ARHGEF10L: variants seen among roughly 807,000 people sequenced by gnomAD.
The protein encoded by ARHGEF10L is rho guanine nucleotide exchange factor 10-like protein.
ARHGEF10L carries 69 observed loss-of-function variants against 141.2 expected under a neutral mutation model. The ratio of observed to expected loss-of-function variants is 0.49; its 90% CI spans 0.40 to 0.60. The LOEUF (loss-of-function observed/expected upper bound fraction) is 0.60, where lower values mean the gene tolerates loss of function less well. Among genes scored for constraint, ARHGEF10L ranks in the 20% least tolerant of loss-of-function variants. The probability of loss-of-function intolerance (pLI) is 0.00; values close to 1 mark genes in which losing one functional copy is unlikely to be tolerated. For synonymous variants in ARHGEF10L, 711 were observed against 718.5 expected (o/e 0.99, Z 0.17); for missense variants, 1,482 against 1,734.3 (o/e 0.85, Z 2.58).
At chr1:17,624,064 C>A (rs191789992) in intron 12 of ARHGEF10L, among the ~76,000 whole-genome samples, 1 of 152,262 alleles carries the variant, frequency 6.6e-6, no homozygotes, top group Admixed American at 6.5e-5. Context: ...TTCCCCCTGC[C>A]CTTCTCCTCC....
chr1:17,677,602 CAG>C (rs2063804300), intron 26 of ARHGEF10L, among the ~76,000 whole-genome samples: 1 of 152,134 alleles, frequency 6.6e-6, no homozygotes, highest in African/African-American at 2.4e-5. Flanking sequence ...GGAGGGAGAT[CAG>C]GGGGGGAGAG....
intron 1 of ARHGEF10L, among the ~76,000 whole-genome samples, chr1:17,557,765 C>T (rs755975196): frequency 7.9e-5 from 12 of 152,264 alleles, no homozygotes; most frequent in African/African-American, 2.6e-4. Context: ...GACACAGTCT[C>T]GGACATTATG....
intron 26 of ARHGEF10L, among the ~76,000 whole-genome samples, chr1:17,679,607 C>G (rs113205534): frequency 0.014 from 2,067 of 152,260 alleles, 50 homozygotes; most frequent in Admixed American, 0.061. Flanking sequence ...GTTTCCTCAG[C>G]GGTAAAGTGT....
chr1:17,626,087 T>G (rs370634421), intron 14 of ARHGEF10L, 39 bp downstream of exon 14: 383 of 1,589,838 alleles, frequency 2.4e-4, no homozygotes, highest in Middle Eastern at 1.0e-3. Context: ...CCCACAGGGT[T>G]TGCCTGTGGG....
intron 1 of ARHGEF10L, among the ~76,000 whole-genome samples, chr1:17,556,100 A>C (rs1306780781): frequency 9.5e-5 from 7 of 73,462 alleles, no homozygotes; most frequent in Non-Finnish European, 1.8e-4. Flanking sequence ...CACAGGGATG[A>C]GCCTGGGAGC....
intron 26 of ARHGEF10L, among the ~76,000 whole-genome samples, chr1:17,685,987 C>G (rs915013884): frequency 2.6e-5 from 4 of 152,240 alleles, no homozygotes; most frequent in Non-Finnish European, 5.9e-5. Context: ...ATCATCCCGT[C>G]CTGCTCCTGG....
chr1:17,625,084 G>A lies in ARHGEF10L; in HGVS notation c.1317+581G>A, dbSNP rs1369703130. Among the ~76,000 whole-genome samples, 2 of 152,210 alleles carry A rather than the reference G, an allele frequency of 1.3e-5. No individual in the cohort carries two copies. Among genetic ancestry groups the A allele is most frequent in the Admixed American group, 6.5e-5 (1 of 15,286 alleles). On this transcript the variant is annotated intron_variant, in intron 13 of 28. Transcript: ENST00000361221. The surrounding 1 kb of genome is among the most constrained non-coding windows in gnomAD (Gnocchi z 4.5). ...GTGCCAGGACACGCACACATGTGCCGGCAGCACAGGTTAGATGCCACGGCC... is the reference window on the plus strand; with the variant it reads ...GTGCCAGGACACGCACACATGTGCCAGCAGCACAGGTTAGATGCCACGGCC...
At chr1:17,597,580 G>A (rs981555428) in intron 4 of ARHGEF10L, among the ~76,000 whole-genome samples, 5 of 152,106 alleles carry the variant, frequency 3.3e-5, no homozygotes, top group African/African-American at 9.7e-5. Context: ...CCATCTCATC[G>A]GCCCGAGGAA....
chr1:17,694,914 G>A (rs10888049), intron 27 of ARHGEF10L: 7,623 of 674,002 alleles, frequency 0.011, 267 homozygotes, highest in East Asian at 0.08. Context: ...GCATCCGTAT[G>A]GCAGCCCCAC....
In ARHGEF10L at chr1:17,627,876, C is replaced by T. The variant is rs2060470883; in HGVS notation, c.1584+373C>T. ...ACCCACCCTCTCTGAACCTCACTTG[C>T]TCCCTTTGAAATGAGGAGCATTTAA... On this transcript the variant is annotated intron_variant, in intron 15 of 28. Coordinates refer to ENST00000361221, the MANE Select transcript of ARHGEF10L (RefSeq NM_018125.4). This position sits in a 1 kb window ranked among gnomAD's most constrained non-coding sequence, Gnocchi z 4.0. 6.6e-6 allele frequency among the ~76,000 whole-genome samples: 1 copy of T among 152,108 alleles called. No individual in the cohort carries two copies. Among genetic ancestry groups the T allele is most frequent in the Non-Finnish European group, 1.5e-5 (1 of 68,024 alleles).
intron 1 of ARHGEF10L, among the ~76,000 whole-genome samples, chr1:17,571,048 G>A (rs2077975513): frequency 6.6e-6 from 1 of 152,098 alleles, no homozygotes; most frequent in Non-Finnish European, 1.5e-5. Context: ...GCAGGCAGAG[G>A]GGCAGAGCCT....
At chr1:17,561,563 G>T (rs758983393) in intron 1 of ARHGEF10L, among the ~76,000 whole-genome samples, 1 of 152,204 alleles carries the variant, frequency 6.6e-6, no homozygotes, top group Non-Finnish European at 1.5e-5. Context: ...CAGCGTCGAT[G>T]GGCGCTGGTG....
chr1:17,675,808 A>ATGGGTGCAGGTG (rs2063636663), intron 26 of ARHGEF10L, among the ~76,000 whole-genome samples: 1 of 108,046 alleles, frequency 9.3e-6, no homozygotes, highest in South Asian at 3.5e-4. Flanking sequence ...AGGTACAGGC[A>ATGGGTGCAGGTG]TGGGTGCAGG....
chr1:17,651,411 G>A (rs2061928167), intron 22 of ARHGEF10L, among the ~76,000 whole-genome samples: 1 of 152,184 alleles, frequency 6.6e-6, no homozygotes, highest in Admixed American at 6.5e-5. Flanking sequence ...CTGTGCCTGC[G>A]GCCAGCTTGG....
At chr1:17,572,110 A>G (rs538421588) in intron 1 of ARHGEF10L, among the ~76,000 whole-genome samples, 1 of 152,284 alleles carries the variant, frequency 6.6e-6, no homozygotes, top group African/African-American at 2.4e-5. Context: ...AGCAATTCTG[A>G]GATCCAGCTG....
upstream of ARHGEF10L, among the ~76,000 whole-genome samples, chr1:17,535,269 C>A (rs1274702055): frequency 2.0e-5 from 3 of 152,130 alleles, no homozygotes; most frequent in African/African-American, 7.2e-5. Context: ...CTAATGCCAC[C>A]ATTGCTGATC....
the ARHGEF10L span, among the ~76,000 whole-genome samples, chr1:17,530,421 G>C: frequency 2.6e-5 from 4 of 152,156 alleles, no homozygotes; most frequent in African/African-American, 7.2e-5. Context: ...CAACATTGAG[G>C]GTTGTTGTGT....
rs745880816 is a variant in ARHGEF10L at position 17,603,548 on chromosome 1, T to C, written c.390T>C (p.Ile130=). The C allele has an allele frequency of 6.2e-7, 1 of 1,613,702 alleles. No homozygotes were observed. Among genetic ancestry groups the C allele is most frequent in the Non-Finnish European group, 8.5e-7 (1 of 1,179,786 alleles). ...FTFPALEEDV[I]YDDVPCESPD... ...TCCCCGCCCTGGAAGAGGATGTGAT[T>C]TATGACGACGTCCCCTGCGAGAGCC... Residue 130 remains isoleucine, a synonymous_variant, in exon 6 of 29, where the codon ATT becomes ATC. Transcript: ENST00000361221. This position sits in a 1 kb window ranked among gnomAD's most constrained non-coding sequence, Gnocchi z 4.8.
At position 17,697,324 on chromosome 1, in the gene ARHGEF10L, C is replaced by T; in HGVS notation, c.3784C>T (p.Pro1262Ser). 6.2e-7 allele frequency: 1 copy of T among 1,611,744 alleles called. No homozygotes were observed. The highest frequency in any genetic ancestry group is 1.3e-5 in the African/African-American group (1 of 75,050). ...SALGSSGRQA[P>S]CGETDSTLLI... ...TCTGGGCAGCAGTGGGAGGCAGGCC[C>T]CGTGTGGGGAGACGGACAGCACCCT... Residue 1262 changes from proline to serine, a missense_variant, in exon 29 of 29, where the codon CCG becomes TCG. Pro to Ser is a moderately conservative substitution (Grantham distance 74). This residue lies in a region of ARHGEF10L where 858 missense variants were observed against 966.3 expected (regional missense o/e 0.89). Transcript: ENST00000361221. The surrounding 1 kb of genome is among the most constrained non-coding windows in gnomAD (Gnocchi z 4.8).
Sources: allele counts gnomAD v4.1 joint callset (sites outside exome capture counted in the v4.1 genomes callset), GRCh38; gene constraint gnomAD v4.1.1; regional missense constraint gnomAD v4.1.1; non-coding constraint Gnocchi (gnomAD v3.1); transcripts MANE v1.5; gene names NCBI Gene and HGNC (gene_info 2026-07-23, HGNC 2026-07-21).